Variants in ZNG1B observed in about 807,000 individuals in gnomAD.
ZNG1B encodes the protein zinc-regulated GTPase metalloprotein activator 1B.
chr2:113,475,644 C>T, the ZNG1B span, among the ~76,000 whole-genome samples: 63 of 151,994 alleles, frequency 4.1e-4, no homozygotes, highest in African/African-American at 1.3e-3. Flanking sequence ...TTCCTTTCCA[C>T]GTTTAGTGCT....
the ZNG1B span, among the ~76,000 whole-genome samples, chr2:113,477,126 G>T: frequency 6.6e-6 from 1 of 152,214 alleles, no homozygotes; most frequent in African/African-American, 2.4e-5. Context: ...CCTCGCTGCC[G>T]CCTTGTAGTT....
chr2:113,446,401 A>G, the ZNG1B span, among the ~76,000 whole-genome samples: 2 of 152,196 alleles, frequency 1.3e-5, no homozygotes, highest in Non-Finnish European at 2.9e-5. Flanking sequence ...AAATTTAAAT[A>G]CCTAAAAAAT....
chr2:113,463,025 C>T, the ZNG1B span, among the ~76,000 whole-genome samples: 4 of 149,560 alleles, frequency 2.7e-5, no homozygotes, highest in African/African-American at 1.0e-4. Context: ...CTTCATCTTC[C>T]TTAACTGTCA....
the ZNG1B span, among the ~76,000 whole-genome samples, chr2:113,438,691 A>G: frequency 6.6e-6 from 1 of 152,018 alleles, no homozygotes; most frequent in Middle Eastern, 3.4e-3. Flanking sequence ...CGGTTTATGC[A>G]CTTACACTAG....
the ZNG1B span, among the ~76,000 whole-genome samples, chr2:113,479,595 G>A: frequency 2.6e-5 from 4 of 151,928 alleles, no homozygotes; most frequent in African/African-American, 4.8e-5. Context: ...CTTTTCTCTC[G>A]ATGATCCTTT....
the ZNG1B span, chr2:113,494,821 C>T: frequency 2.5e-5 from 16 of 644,812 alleles, no homozygotes; most frequent in Non-Finnish European, 2.9e-5. Flanking sequence ...CATTTTGTTT[C>T]AGGTTTTGGT....
At chr2:113,476,548 C>T in the ZNG1B span, among the ~76,000 whole-genome samples, 48,060 of 137,514 alleles carry the variant, frequency 0.35, 9,043 homozygotes, top group East Asian at 0.52. Flanking sequence ...TGCGTTCCTT[C>T]GGAGGAGGAG....
At chr2:113,492,827 ATAT>A in the ZNG1B span, among the ~76,000 whole-genome samples, 4 of 83,140 alleles carry the variant, frequency 4.8e-5, 2 homozygotes, top group Non-Finnish European at 9.5e-5. Flanking sequence ...GTGCTTTAGT[ATAT>A]TATTTTCTAC....
At chr2:113,484,460 C>G in the ZNG1B span, among the ~76,000 whole-genome samples, 2 of 151,444 alleles carry the variant, frequency 1.3e-5, no homozygotes, top group African/African-American at 4.8e-5. Flanking sequence ...GAGTGACCTT[C>G]CTGATTCTGC....
the ZNG1B span, chr2:113,455,458 A>G: frequency 2.1e-6 from 1 of 478,250 alleles, no homozygotes; most frequent in African/African-American, 2.0e-5. Context: ...AAGGTCCTAG[A>G]ATGCATTTAA....
the ZNG1B span, among the ~76,000 whole-genome samples, chr2:113,474,110 C>T: frequency 6.6e-6 from 1 of 151,884 alleles, no homozygotes; most frequent in Admixed American, 6.6e-5. Flanking sequence ...GTGAATCTAT[C>T]TGGTCCTGGA....
chr2:113,483,110 A>G, the ZNG1B span, among the ~76,000 whole-genome samples: 68 of 152,308 alleles, frequency 4.5e-4, no homozygotes, highest in African/African-American at 1.5e-3. Context: ...ATTTATGGTA[A>G]AAAAACAAAA....
the ZNG1B span, among the ~76,000 whole-genome samples, chr2:113,440,371 C>T: frequency 6.6e-6 from 1 of 151,772 alleles, no homozygotes; most frequent in Non-Finnish European, 1.5e-5. Context: ...TTACATTCAC[C>T]CTTTCCTTTC....
chr2:113,475,851 A>G, the ZNG1B span, among the ~76,000 whole-genome samples: 1 of 152,218 alleles, frequency 6.6e-6, no homozygotes, highest in East Asian at 1.9e-4. Flanking sequence ...GTTTCTGCCA[A>G]GAGATCCGCT....
the ZNG1B span, among the ~76,000 whole-genome samples, chr2:113,471,553 A>G: frequency 2.2e-4 from 33 of 151,728 alleles, no homozygotes; most frequent in East Asian, 6.4e-3. Context: ...ACATATGTAT[A>G]CATGTGCCAT....
At chr2:113,444,315 T>G in the ZNG1B span, 1 of 170,840 alleles carries the variant, frequency 5.9e-6, no homozygotes, top group Non-Finnish European at 1.3e-5. Flanking sequence ...ACCCAACACA[T>G]AGTAGCACTC....
chr2:113,468,437 A>G, the ZNG1B span: 4 of 149,974 alleles, frequency 2.7e-5, no homozygotes, highest in African/African-American at 1.0e-4. Flanking sequence ...TACTTAAAGC[A>G]GCCTTTAGAC....
the ZNG1B span, chr2:113,470,104 G>A: frequency 6.6e-6 from 1 of 151,356 alleles, no homozygotes; most frequent in East Asian, 1.9e-4. Context: ...TGATTCTCCT[G>A]CCGCAGCCTC....
the ZNG1B span, among the ~76,000 whole-genome samples, chr2:113,486,714 C>G: frequency 6.6e-6 from 1 of 152,158 alleles, no homozygotes; most frequent in Non-Finnish European, 1.5e-5. Flanking sequence ...CATGATTGTG[C>G]CACTCTACTC....
Sources: gnomAD v4.1 joint callset for allele counts (sites outside exome capture counted in the v4.1 genomes callset) on GRCh38, gnomAD v4.1.1 for gene constraint, MANE v1.5 for transcripts, NCBI Gene and HGNC (gene_info 2026-07-23, HGNC 2026-07-21) for gene names.